The following SGCZ variants were observed in gnomAD, a reference collection of about 807,000 sequenced individuals.
The protein encoded by SGCZ is sarcoglycan zeta, also known as zeta-sarcoglycan.
Under a neutral mutation model 41.3 loss-of-function variants are expected in SGCZ, and 40 were observed. The observed-to-expected ratio is 0.97, with a 90% confidence interval of 0.75 to 1.26. The LOEUF is 1.26. SGCZ is among the 50% of genes most tolerant of loss of function. The pLI, the probability that SGCZ is intolerant of heterozygous loss-of-function variation, is 0.00. For missense variants in SGCZ, 552 were observed against 369.8 expected, an observed-to-expected ratio of 1.49 and a Z score of -4.04; for synonymous variants, 206 against 137.5, an observed-to-expected ratio of 1.50 and a Z score of -3.49.
intron 1 of SGCZ, among the ~76,000 whole-genome samples, chr8:14,926,603 G>C (rs1799757885): frequency 4.0e-5 from 6 of 148,274 alleles, no homozygotes; most frequent in Admixed American, 2.0e-4. Flanking sequence ...AAACTCAGTA[G>C]ACAGTTTTTT....
At chr8:14,327,067 G>T (rs983356953) in intron 2 of SGCZ, among the ~76,000 whole-genome samples, 1 of 152,200 alleles carries the variant, frequency 6.6e-6, no homozygotes, top group African/African-American at 2.4e-5. Flanking sequence ...TCAGAAGTGG[G>T]GTTGGGTTAC....
At chr8:14,500,709 T>A (rs1802127303) in intron 2 of SGCZ, among the ~76,000 whole-genome samples, 1 of 152,062 alleles carries the variant, frequency 6.6e-6, no homozygotes, top group South Asian at 2.1e-4. Flanking sequence ...TTATTTCCCA[T>A]GTAAAAATTA....
At chr8:14,824,936 G>T (rs372015062) in intron 1 of SGCZ, among the ~76,000 whole-genome samples, 10 of 152,174 alleles carry the variant, frequency 6.6e-5, no homozygotes, top group African/African-American at 2.4e-4. Context: ...ATTTCTTCAT[G>T]TGAGCCTCAG....
intron 3 of SGCZ, among the ~76,000 whole-genome samples, chr8:14,287,844 T>G (rs1451779519): frequency 6.6e-6 from 1 of 152,072 alleles, no homozygotes; most frequent in African/African-American, 2.4e-5. Context: ...CCGGCAGCTT[T>G]ATTTTTGCTG....
At chr8:15,209,698 A>G (rs1314125576) in intron 1 of SGCZ, among the ~76,000 whole-genome samples, 2 of 152,162 alleles carry the variant, frequency 1.3e-5, no homozygotes, top group African/African-American at 4.8e-5. Flanking sequence ...AACATAAGGC[A>G]AACTCACATA....
In SGCZ at chr8:14,811,715, G is replaced by A. The variant is rs952078216; in HGVS notation, c.40-256789C>T. 5.3e-5 allele frequency among the ~76,000 whole-genome samples: 8 copies of A among 151,648 alleles called. No homozygotes were observed. In the South Asian group the frequency reaches 6.2e-4, roughly 12 times the overall value. On this transcript the variant is annotated intron_variant, in intron 1 of 7. Coordinates refer to ENST00000382080, the MANE Select transcript of SGCZ (RefSeq NM_139167.4). Reference sequence around the variant, plus strand: ...AAAGCACAGGTTCTGACTATTAGACGCACTGCCGTGATCATACAGAAGCAA... The same window carrying A: ...AAAGCACAGGTTCTGACTATTAGACACACTGCCGTGATCATACAGAAGCAA...
chr8:14,595,113 A>G (rs1805366762), intron 1 of SGCZ, among the ~76,000 whole-genome samples: 1 of 150,294 alleles, frequency 6.7e-6, no homozygotes, highest in Non-Finnish European at 1.5e-5. Flanking sequence ...TTGTATTAAC[A>G]TCAATAATGA....
rs187978959 is a variant in SGCZ, at chr8:14,370,714, A to G, written c.235-46510T>C. Among the ~76,000 whole-genome samples the G allele has an allele frequency of 3.0e-3, 456 of 152,020 alleles. 3 individuals carry two copies. The highest frequency in any genetic ancestry group is 0.017 in the Middle Eastern group (5 of 294). ...CATACTAGTTACACAGCGAGACTTG[A>G]TTTTTTTCTGTCTAATGAGTAAGCA... is the stretch of plus-strand genomic sequence containing the variant. On this transcript the variant is annotated intron_variant, in intron 2 of 7. Transcript: ENST00000382080.
intron 1 of SGCZ, among the ~76,000 whole-genome samples, chr8:15,234,877 A>T (rs924047329): frequency 4.6e-5 from 7 of 152,032 alleles, no homozygotes; most frequent in Non-Finnish European, 1.0e-4. Context: ...CCTAACAATG[A>T]CACTGATCAT....
intron 1 of SGCZ, among the ~76,000 whole-genome samples, chr8:15,127,992 A>C (rs1357095558): frequency 6.6e-6 from 1 of 152,228 alleles, no homozygotes; most frequent in Admixed American, 6.5e-5. Context: ...AATTCCAAAG[A>C]ATATAGTACG....
chr8:14,708,175 G>T (rs956915363), intron 1 of SGCZ, among the ~76,000 whole-genome samples: 5 of 150,644 alleles, frequency 3.3e-5, no homozygotes, highest in Non-Finnish European at 7.4e-5. Context: ...ATTTTCATTC[G>T]ATTTTGTCTA....
intron 1 of SGCZ, among the ~76,000 whole-genome samples, chr8:14,699,601 C>A (rs1299471542): frequency 1.3e-5 from 2 of 151,724 alleles, no homozygotes; most frequent in East Asian, 1.9e-4. Context: ...TGCAGCAAAA[C>A]AAAAACAGAT....
chr8:14,239,758 C>T (rs540149700), intron 3 of SGCZ, among the ~76,000 whole-genome samples: 87 of 150,300 alleles, frequency 5.8e-4, no homozygotes, highest in Non-Finnish European at 9.9e-4. Flanking sequence ...AAAAATTAGC[C>T]GGGCGTAGTG....
intron 1 of SGCZ, among the ~76,000 whole-genome samples, chr8:14,558,433 G>T (rs559071486): frequency 1.3e-5 from 2 of 152,088 alleles, no homozygotes; most frequent in East Asian, 1.9e-4. Flanking sequence ...AAATTAGCTG[G>T]GTGTGGTGGT....
chr8:14,892,502 G>T (rs148061694), intron 1 of SGCZ, among the ~76,000 whole-genome samples: 2 of 152,078 alleles, frequency 1.3e-5, no homozygotes, highest in African/African-American at 4.8e-5. Context: ...ATAGCATCAC[G>T]TCTCTTTGGA....
chr8:14,451,994 A>G (rs1413655385), intron 2 of SGCZ, among the ~76,000 whole-genome samples: 4 of 152,234 alleles, frequency 2.6e-5, no homozygotes, highest in Admixed American at 2.0e-4. Flanking sequence ...ATACAAATGT[A>G]TTGAAAACTT....
chr8:14,572,694 T>A (rs993229846), intron 1 of SGCZ, among the ~76,000 whole-genome samples: 1 of 152,144 alleles, frequency 6.6e-6, no homozygotes, highest in Non-Finnish European at 1.5e-5. Context: ...TACAGATCAT[T>A]TCCTTCATAC....
At chr8:14,949,203 C>T (rs998386442) in intron 1 of SGCZ, among the ~76,000 whole-genome samples, 1 of 152,080 alleles carries the variant, frequency 6.6e-6, no homozygotes, top group Non-Finnish European at 1.5e-5. Flanking sequence ...TCACATTTCT[C>T]TTTAAACTAC....
At chr8:14,976,015 T>TAC (rs1554531594) in intron 1 of SGCZ, among the ~76,000 whole-genome samples, 5 of 142,212 alleles carry the variant, frequency 3.5e-5, no homozygotes, top group African/African-American at 1.0e-4. Context: ...TATATATATA[T>TAC]ACACATATAT....
Sources: gnomAD v4.1 joint callset for allele counts (sites outside exome capture counted in the v4.1 genomes callset) on GRCh38, gnomAD v4.1.1 for gene constraint, MANE v1.5 for transcripts, NCBI Gene and HGNC (gene_info 2026-07-23, HGNC 2026-07-21) for gene names.